PIP5K1B: variants seen among roughly 807,000 people sequenced by gnomAD.
The protein encoded by PIP5K1B is phosphatidylinositol 4-phosphate 5-kinase type-1 beta.
Under a neutral mutation model 67.0 loss-of-function variants are expected in PIP5K1B, and 42 were observed. The ratio of observed to expected loss-of-function variants is 0.63; its 90% CI spans 0.49 to 0.81. The LOEUF (loss-of-function observed/expected upper bound fraction) is 0.81. Ranked by LOEUF, PIP5K1B falls within the 30% of genes least tolerant of loss-of-function variation. PIP5K1B has a pLI of 0.00. For missense variants in PIP5K1B, 459 were observed against 646.3 expected, an observed-to-expected ratio of 0.71 and a Z score of 3.14; for synonymous variants, 214 against 231.4, an observed-to-expected ratio of 0.92 and a Z score of 0.68.
chr9:68,891,166 C>T (rs1017949442), intron 7 of PIP5K1B, among the ~76,000 whole-genome samples: 1 of 152,156 alleles, frequency 6.6e-6, no homozygotes, highest in Non-Finnish European at 1.5e-5. Flanking sequence ...GGGAGGATCA[C>T]TTGAGCCTGG....
intron 14 of PIP5K1B, among the ~76,000 whole-genome samples, chr9:68,974,274 T>C (rs1212644237): frequency 6.6e-6 from 1 of 152,238 alleles, no homozygotes; most frequent in Non-Finnish European, 1.5e-5. Flanking sequence ...ACCATTTCTC[T>C]AAGCCAGCAT....
Position 68,709,278 on chromosome 9 carries a change from G to A in PIP5K1B, c.-243+3516G>A, listed in dbSNP as rs558095294. Among the ~76,000 whole-genome samples the A allele has an allele frequency of 5.5e-4, 84 of 151,842 alleles. 1 individual carries two copies. The highest frequency in any genetic ancestry group is 4.0e-3 in the South Asian group (19 of 4,794). On this transcript the variant is annotated intron_variant, in intron 1 of 15. Transcript: ENST00000265382. The stretch of plus-strand genomic sequence containing the variant: ...GTTTTTTGAGTCAAGGTCTCATTCT[G>A]TTTCCCAGGCTGGAGTGCAGTGGCC...
chr9:68,888,484 C>G (rs764084480), intron 6 of PIP5K1B, among the ~76,000 whole-genome samples: 15 of 152,298 alleles, frequency 9.8e-5, no homozygotes, highest in Non-Finnish European at 1.9e-4. Context: ...ATGAACAGGT[C>G]TTGAGCCCTA....
intron 1 of PIP5K1B, among the ~76,000 whole-genome samples, chr9:68,731,266 A>C (rs1587355472): frequency 1.3e-5 from 2 of 152,352 alleles, no homozygotes; most frequent in East Asian, 3.9e-4. Flanking sequence ...ATGTCTGGAT[A>C]GGACGTATAT....
intron 1 of PIP5K1B, among the ~76,000 whole-genome samples, chr9:68,739,035 C>T (rs1465757818): frequency 2.0e-5 from 3 of 152,170 alleles, no homozygotes; most frequent in Non-Finnish European, 2.9e-5. Flanking sequence ...CTCCGTCAGC[C>T]GACCCTGAAC....
chr9:68,771,374 T>C (rs1334390858), intron 2 of PIP5K1B, among the ~76,000 whole-genome samples: 1 of 152,208 alleles, frequency 6.6e-6, no homozygotes, highest in Non-Finnish European at 1.5e-5. Context: ...GGCTGTGCTG[T>C]ACACCTCAAC....
In PIP5K1B at chr9:68,705,587, C is replaced by CCCCCGG. The variant is rs887133249; in HGVS notation, c.-406_-401dup. 1 of 126,962 alleles carries CCCCCGG rather than the reference C, an allele frequency of 7.9e-6. No homozygotes were observed. Among genetic ancestry groups the CCCCCGG allele is most frequent in the East Asian group, 2.5e-4 (1 of 3,936 alleles). 7.9% of individuals were successfully genotyped at this position (126,962 alleles called of 1,614,324 possible). A position where few individuals can be genotyped will look rare whatever the true frequency, so the allele number is the denominator to read the frequency against. ...CGGCACCTGCCCGCCCTCAGCGTTG[C>CCCCCGG]CCCCGGCCCCGGCCCCGCCCGCCGC... On this transcript the variant is annotated 5_prime_UTR_variant, in exon 1 of 16. Coordinates refer to ENST00000265382, the MANE Select transcript of PIP5K1B (RefSeq NM_003558.4).
chr9:68,741,852 C>T (rs1461647412), intron 1 of PIP5K1B, among the ~76,000 whole-genome samples: 1 of 152,060 alleles, frequency 6.6e-6, no homozygotes, highest in East Asian at 1.9e-4. Flanking sequence ...GTCCTTATCA[C>T]GTATTACTAA....
chr9:68,735,786 G>A (rs1296574368), intron 1 of PIP5K1B, among the ~76,000 whole-genome samples: 1 of 152,206 alleles, frequency 6.6e-6, no homozygotes. Flanking sequence ...TGATGGGACT[G>A]TTACTTATAT....
chr9:68,769,026 A>C (rs1830562674), intron 2 of PIP5K1B, among the ~76,000 whole-genome samples: 1 of 152,234 alleles, frequency 6.6e-6, no homozygotes, highest in Admixed American at 6.5e-5. Flanking sequence ...GCATTTGAAC[A>C]AATGATGAAG....
intron 4 of PIP5K1B, among the ~76,000 whole-genome samples, chr9:68,827,651 A>C (rs1221501862): frequency 6.6e-6 from 1 of 152,192 alleles, no homozygotes; most frequent in Non-Finnish European, 1.5e-5. Context: ...TGAGCAACAA[A>C]GTTGGGTGCA....
chr9:68,948,816 A>G (rs1374873035), intron 14 of PIP5K1B, among the ~76,000 whole-genome samples: 3 of 152,118 alleles, frequency 2.0e-5, no homozygotes, highest in Admixed American at 1.3e-4. Context: ...TTATAGAATT[A>G]CTTCTGAAGT....
At chr9:68,895,286 A>C (rs1305582606) in intron 8 of PIP5K1B, among the ~76,000 whole-genome samples, 1 of 151,756 alleles carries the variant, frequency 6.6e-6, no homozygotes, top group Non-Finnish European at 1.5e-5. Context: ...AAAAAAAAAA[A>C]ACTAAGGGAA....
intron 2 of PIP5K1B, among the ~76,000 whole-genome samples, chr9:68,743,894 G>A (rs1325190202): frequency 6.6e-6 from 1 of 152,212 alleles, no homozygotes; most frequent in East Asian, 1.9e-4. Context: ...CTGGGTGCCA[G>A]ATGAATGTAC....
chr9:68,870,023 C>T (rs1038101196), intron 5 of PIP5K1B, among the ~76,000 whole-genome samples: 8 of 152,022 alleles, frequency 5.3e-5, no homozygotes, highest in African/African-American at 7.3e-5. Flanking sequence ...CTTTGTTCAG[C>T]GTGTATTTGG....
At chr9:68,972,582 A>C (rs1268148331) in intron 14 of PIP5K1B, among the ~76,000 whole-genome samples, 1 of 152,204 alleles carries the variant, frequency 6.6e-6, no homozygotes, top group East Asian at 1.9e-4. Flanking sequence ...CAGAGGTTGT[A>C]GTGAGCTAAG....
chr9:68,884,987 T>A (rs12376037), intron 6 of PIP5K1B, among the ~76,000 whole-genome samples: 14,139 of 152,242 alleles, frequency 0.093, 829 homozygotes, highest in Non-Finnish European at 0.14. Flanking sequence ...GAAATCAGTA[T>A]GGCGAAGAGA....
chr9:68,977,522 C>CA (rs1829686020), intron 14 of PIP5K1B, among the ~76,000 whole-genome samples: 1 of 151,428 alleles, frequency 6.6e-6, no homozygotes, highest in Admixed American at 6.6e-5. Context: ...GACTTTGTCT[C>CA]AAAAAAAGAA....
intron 4 of PIP5K1B, among the ~76,000 whole-genome samples, chr9:68,837,542 C>A (rs1834678289): frequency 6.7e-6 from 1 of 148,952 alleles, no homozygotes; most frequent in Non-Finnish European, 1.5e-5. Flanking sequence ...ATATTTAGGG[C>A]CTTGCATTTT....
Sources: allele counts gnomAD v4.1 joint callset (sites outside exome capture counted in the v4.1 genomes callset), GRCh38; gene constraint gnomAD v4.1.1; transcripts MANE v1.5; gene names NCBI Gene and HGNC (gene_info 2026-07-23, HGNC 2026-07-21).